The following URI1 variants were observed in gnomAD, a reference collection of about 807,000 sequenced individuals.
The protein encoded by URI1 is URI1 prefoldin like chaperone.
Under a neutral mutation model 60.2 loss-of-function variants are expected in URI1, and 39 were observed. That is an observed-to-expected ratio of 0.65 (90% CI 0.50 to 0.85). The LOEUF is 0.85. Ranked by LOEUF, URI1 falls within the 40% of genes least tolerant of loss-of-function variation. The pLI is 0.00. For synonymous variants in URI1, 251 were observed against 236.8 expected, an observed-to-expected ratio of 1.06 and a Z score of -0.55; for missense variants, 691 against 665.9, an observed-to-expected ratio of 1.04 and a Z score of -0.42.
intron 1 of URI1, among the ~76,000 whole-genome samples, chr19:29,948,256 GTTTC>G (rs764355785): frequency 9.2e-5 from 14 of 152,282 alleles, no homozygotes; most frequent in East Asian, 1.9e-4. Context: ...TCCGTATGCT[GTTTC>G]TTTCTTTTTC....
Position 30,011,082 on chromosome 19 carries a change from C to A in URI1, c.1036-12C>A. 2 of 1,592,312 alleles carry A rather than the reference C, an allele frequency of 1.3e-6. No individual in the cohort carries two copies. Among genetic ancestry groups the A allele is most frequent in the South Asian group, 2.3e-5 (2 of 86,194 alleles). ...GTCAAAAGATTCTTAATTTCTTGCTCTGAAATTTTAGGTCCGAATAAATAC... is the reference window on the plus strand; with the variant it reads ...GTCAAAAGATTCTTAATTTCTTGCTATGAAATTTTAGGTCCGAATAAATAC... On this transcript the variant is annotated splice_polypyrimidine_tract_variant and intron_variant, in intron 8 of 10. Coordinates refer to ENST00000392271, the MANE Select transcript of URI1 (RefSeq NM_003796.3).
At chr19:29,964,560 G>A (rs1049852281) in intron 1 of URI1, among the ~76,000 whole-genome samples, 22 of 150,870 alleles carry the variant, frequency 1.5e-4, no homozygotes, top group African/African-American at 5.1e-4. Context: ...TGCTTTCCGG[G>A]TTTGATTTTC....
intron 4 of URI1, 125 bp from the exon 5 acceptor site, chr19:30,005,236 G>A: frequency 3.5e-6 from 2 of 572,854 alleles, no homozygotes; most frequent in Non-Finnish European, 6.2e-6. Flanking sequence ...AAGGAAAATA[G>A]TGTAAGATTT....
chr19:29,991,962 G>A (rs1340619534), intron 4 of URI1, among the ~76,000 whole-genome samples: 1 of 152,088 alleles, frequency 6.6e-6, no homozygotes, highest in Non-Finnish European at 1.5e-5. Context: ...ATTCTTTCAT[G>A]TATTACTGGA....
At chr19:29,971,282 T>C in intron 2 of URI1, 55 bp downstream of exon 2, 1 of 1,566,412 alleles carries the variant, frequency 6.4e-7, no homozygotes, top group South Asian at 1.1e-5. Flanking sequence ...GTAACCTACT[T>C]GTGTTCAAAT....
intron 1 of URI1, chr19:29,956,627 A>AT: frequency 6.6e-7 from 1 of 1,505,224 alleles, no homozygotes; most frequent in Non-Finnish European, 9.2e-7. Context: ...CTGCGGATGT[A>AT]TTTTTCACCC....
In URI1 at chr19:29,958,450, C is replaced by G. The variant is rs2055278551; in HGVS notation, c.118-12743C>G. 3.3e-5 allele frequency among the ~76,000 whole-genome samples: 5 copies of G among 152,076 alleles called. No individual in the cohort carries two copies. The South Asian group carries it at 1.0e-3, about 32-fold the overall frequency. On this transcript the variant is annotated intron_variant, in intron 1 of 10. Coordinates refer to ENST00000392271, the MANE Select transcript of URI1 (RefSeq NM_003796.3). ...TGCTGAATTTTATCAAATGTATTTT[C>G]TATGTTTCTTGAGATAACAATATGG...
At chr19:29,954,641 A>G (rs2055221351) in intron 1 of URI1, among the ~76,000 whole-genome samples, 1 of 151,412 alleles carries the variant, frequency 6.6e-6, no homozygotes, top group South Asian at 2.1e-4. Context: ...CAGCCTCCCA[A>G]GTAACTGGAA....
At chr19:30,000,049 C>T (rs1243302482) in intron 4 of URI1, among the ~76,000 whole-genome samples, 4 of 151,624 alleles carry the variant, frequency 2.6e-5, no homozygotes, top group African/African-American at 9.7e-5. Context: ...AGCATTTTTA[C>T]ATGTCCTCCC....
chr19:29,940,839 C>T (rs958038186), upstream of URI1, among the ~76,000 whole-genome samples: 2 of 152,044 alleles, frequency 1.3e-5, no homozygotes, highest in African/African-American at 2.4e-5. Flanking sequence ...GGGCAGCAGC[C>T]GATCTCCATT....
chr19:30,003,753 T>A (rs1338831210), intron 4 of URI1, among the ~76,000 whole-genome samples: 1 of 152,004 alleles, frequency 6.6e-6, no homozygotes, highest in African/African-American at 2.4e-5. Flanking sequence ...TGCACAGTAT[T>A]TATATGTGGA....
intron 1 of URI1, among the ~76,000 whole-genome samples, chr19:29,928,021 G>A (rs547473516): frequency 3.9e-5 from 6 of 152,228 alleles, no homozygotes; most frequent in South Asian, 2.1e-4. Context: ...CTCAACAGGC[G>A]TGCTGCAAAG....
At chr19:29,962,645 T>C (rs2055341553) in intron 1 of URI1, among the ~76,000 whole-genome samples, 2 of 151,906 alleles carry the variant, frequency 1.3e-5, no homozygotes, top group Admixed American at 1.3e-4. Context: ...TCTTTCTGCA[T>C]TTATATTACT....
At chr19:29,971,084 G>T (rs2055453633) in intron 1 of URI1, 109 bp from the exon 2 acceptor site, 27 of 1,000,648 alleles carry the variant, frequency 2.7e-5, no homozygotes, top group Non-Finnish European at 4.0e-5. Context: ...TGTATACTGA[G>T]ATGCTATTAA....
intron 9 of URI1, 51 bp from the exon 10 acceptor site, chr19:30,012,234 C>T (rs1178825547): frequency 6.7e-7 from 1 of 1,500,794 alleles, no homozygotes. Flanking sequence ...AAGTTGTTCT[C>T]AGTTTTATGA....
intron 1 of URI1, among the ~76,000 whole-genome samples, chr19:29,964,462 T>C (rs1327190311): frequency 6.8e-6 from 1 of 146,974 alleles, no homozygotes; most frequent in African/African-American, 2.6e-5. Flanking sequence ...GTTTTTTGTT[T>C]TGTTTTTTTT....
intron 3 of URI1, among the ~76,000 whole-genome samples, chr19:29,985,931 A>G (rs1344269956): frequency 6.6e-6 from 1 of 152,220 alleles, no homozygotes; most frequent in African/African-American, 2.4e-5. Context: ...TATCAAAAGT[A>G]TTTTGCATTG....
intron 6 of URI1, among the ~76,000 whole-genome samples, chr19:30,006,954 T>C (rs2055951080): frequency 6.6e-6 from 1 of 152,090 alleles, no homozygotes; most frequent in Non-Finnish European, 1.5e-5. Flanking sequence ...TGAGCCGCCG[T>C]TGTTTCCTTG....
intron 4 of URI1, among the ~76,000 whole-genome samples, chr19:29,989,979 T>C (rs2055725673): frequency 6.6e-6 from 1 of 152,196 alleles, no homozygotes; most frequent in Non-Finnish European, 1.5e-5. Flanking sequence ...TTGTTGAAGA[T>C]TTTCTTCTGT....
Sources: gnomAD v4.1 joint callset for allele counts (sites outside exome capture counted in the v4.1 genomes callset) on GRCh38, gnomAD v4.1.1 for gene constraint, MANE v1.5 for transcripts, NCBI Gene and HGNC (gene_info 2026-07-23, HGNC 2026-07-21) for gene names.